PTPRO: variants seen among roughly 807,000 people sequenced by gnomAD.
PTPRO encodes protein tyrosine phosphatase receptor type O.
A neutral mutation model predicts 145.2 loss-of-function variants in PTPRO; 62 were observed. That is an observed-to-expected ratio of 0.43 (90% CI 0.35 to 0.53). PTPRO has a LOEUF of 0.53. PTPRO is among the 20% of genes least tolerant of loss of function. PTPRO has a pLI of 0.01. For missense variants in PTPRO, 1,345 were observed against 1,482.7 expected (o/e 0.91, Z 1.53); for synonymous variants, 565 against 514.7 (o/e 1.10, Z -1.32).
intron 1 of PTPRO, among the ~76,000 whole-genome samples, chr12:15,444,233 A>C (rs930510635): frequency 6.6e-6 from 1 of 152,144 alleles, no homozygotes; most frequent in Non-Finnish European, 1.5e-5. Flanking sequence ...TAACACAGGA[A>C]CAGAAAACCA....
intron 1 of PTPRO, among the ~76,000 whole-genome samples, chr12:15,470,392 A>C (rs1032990449): frequency 1.3e-5 from 2 of 152,328 alleles, no homozygotes; most frequent in South Asian, 4.1e-4. Flanking sequence ...GAATGTTCTG[A>C]GGATCAAAGG....
At chr12:15,469,941 C>G (rs949807901) in intron 1 of PTPRO, among the ~76,000 whole-genome samples, 1 of 152,018 alleles carries the variant, frequency 6.6e-6, no homozygotes, top group African/African-American at 2.4e-5. Context: ...GTCCCTACCC[C>G]CTAAAAAACT....
chr12:15,523,881 T>C (rs1591684323), intron 10 of PTPRO, among the ~76,000 whole-genome samples: 2 of 152,026 alleles, frequency 1.3e-5, no homozygotes, highest in Non-Finnish European at 2.9e-5. Context: ...CACTGCAGCC[T>C]GGATCTCCTG....
intron 18 of PTPRO, among the ~76,000 whole-genome samples, chr12:15,567,644 T>A (rs149497007): frequency 1.3e-5 from 2 of 152,248 alleles, no homozygotes; most frequent in East Asian, 3.9e-4. Flanking sequence ...AACTTTAAGG[T>A]CGATACACTG....
chr12:15,382,943 C>A (rs761197741), intron 1 of PTPRO, among the ~76,000 whole-genome samples: 1 of 152,188 alleles, frequency 6.6e-6, no homozygotes, highest in Non-Finnish European at 1.5e-5. Context: ...CATCACTGCA[C>A]ACACTTATCA....
rs763171198 is a variant in PTPRO at position 15,513,234 on chromosome 12, GAA to G, written c.1465-2262_1465-2261del. ...GAAAGAAAGAAAGAAAGAAAAGAAA[GAA>G]AGAGGGAGGGAGGGAGAGAGGGAGG... On this transcript the variant is annotated intron_variant, in intron 7 of 26. Coordinates refer to ENST00000281171, the MANE Select transcript of PTPRO (RefSeq NM_030667.3). Among the ~76,000 whole-genome samples, 5 of 122,750 alleles carry G rather than the reference GAA, an allele frequency of 4.1e-5. No individual in the cohort carries two copies. In the East Asian group the frequency reaches 8.3e-4, roughly 20 times the overall value. 80.5% of individuals were successfully genotyped at this position (122,750 alleles called of 152,430 possible). A position where few individuals can be genotyped will look rare whatever the true frequency, so the allele number is the denominator to read the frequency against.
intron 1 of PTPRO, among the ~76,000 whole-genome samples, chr12:15,443,553 A>C (rs954859059): frequency 2.0e-5 from 3 of 152,148 alleles, no homozygotes; most frequent in Non-Finnish European, 4.4e-5. Context: ...TCAACAGAGT[A>C]AACAGACAAC....
In PTPRO at chr12:15,589,456, GCT is replaced by G; in HGVS notation, c.3413_3414del (p.Ala1138GlyfsTer22). The G allele has an allele frequency of 6.2e-7, 1 of 1,614,098 alleles. No individual in the cohort carries two copies. Among genetic ancestry groups the G allele is most frequent in the Non-Finnish European group, 8.5e-7 (1 of 1,179,984 alleles). ...TGCCATCGGAACATTCTTTTGCAGT[GCT>G]GGCGTGGGACGGACAGGAACATTCA... ...SKGPMIIHCS[A>X]GVGRTGTFIA... On this transcript the variant is annotated frameshift_variant and splice_region_variant, in exon 25 of 27. Transcript: ENST00000281171. LOFTEE classifies it high-confidence loss of function.
chr12:15,347,623 G>A (rs1467686465), intron 1 of PTPRO, among the ~76,000 whole-genome samples: 1 of 152,144 alleles, frequency 6.6e-6, no homozygotes, highest in African/African-American at 2.4e-5. Flanking sequence ...CACTCAGATA[G>A]TTTTAGAATG....
chr12:15,523,735 A>G (rs1271196511), intron 10 of PTPRO, among the ~76,000 whole-genome samples: 1 of 151,802 alleles, frequency 6.6e-6, no homozygotes, highest in Non-Finnish European at 1.5e-5. Context: ...AGATTGCGCC[A>G]CTGCACTCCA....
At chr12:15,336,515 T>C (rs1037338395) in intron 1 of PTPRO, among the ~76,000 whole-genome samples, 8 of 152,186 alleles carry the variant, frequency 5.3e-5, no homozygotes, top group Non-Finnish European at 1.2e-4. Flanking sequence ...TACTGAAGAA[T>C]TACACACATA....
rs1944327095 is a variant in PTPRO, at chr12:15,581,868, G to A, written c.3255+67G>A. ...CACCTGCTGAGACCAGTTTGGTCGGGGAGACCCTAACCCAGCGGCGCTAGA... is the reference window on the plus strand; with the variant it reads ...CACCTGCTGAGACCAGTTTGGTCGGAGAGACCCTAACCCAGCGGCGCTAGA... On this transcript the variant is annotated intron_variant, in intron 23 of 26. Coordinates refer to ENST00000281171, the MANE Select transcript of PTPRO (RefSeq NM_030667.3). The A allele has an allele frequency of 6.9e-6, 11 of 1,605,280 alleles. No homozygotes were observed. The Admixed American group carries it at 1.0e-4, about 15-fold the overall frequency.
intron 1 of PTPRO, among the ~76,000 whole-genome samples, chr12:15,434,955 G>A (rs916380294): frequency 6.6e-6 from 1 of 152,176 alleles, no homozygotes; most frequent in African/African-American, 2.4e-5. Flanking sequence ...AGGTGCTTTT[G>A]CAAAGAAGCA....
At chr12:15,487,803 A>G (rs921269415) in intron 2 of PTPRO, among the ~76,000 whole-genome samples, 9 of 152,158 alleles carry the variant, frequency 5.9e-5, no homozygotes, top group African/African-American at 2.2e-4. Context: ...ACTAATTTTT[A>G]ATTTTAATTA....
chr12:15,411,910 G>T (rs1330013038), intron 1 of PTPRO, among the ~76,000 whole-genome samples: 6 of 152,164 alleles, frequency 3.9e-5, no homozygotes, highest in Non-Finnish European at 7.3e-5. Context: ...GCATCAGACA[G>T]TCTGAAAACA....
At chr12:15,473,659 C>T (rs1385731878) in intron 1 of PTPRO, among the ~76,000 whole-genome samples, 1 of 149,182 alleles carries the variant, frequency 6.7e-6, no homozygotes, top group East Asian at 2.0e-4. Flanking sequence ...CCCAGCTACT[C>T]GGGAGGCTGA....
intron 19 of PTPRO, among the ~76,000 whole-genome samples, chr12:15,577,251 G>T (rs7304082): frequency 6.6e-6 from 1 of 152,218 alleles, no homozygotes; most frequent in Non-Finnish European, 1.5e-5. Flanking sequence ...AAGAGATGAG[G>T]AATCAAAGGA....
At chr12:15,401,484 G>A (rs1334646536) in intron 1 of PTPRO, among the ~76,000 whole-genome samples, 1 of 152,182 alleles carries the variant, frequency 6.6e-6, no homozygotes, top group African/African-American at 2.4e-5. Flanking sequence ...CCTGTTCATA[G>A]GATGTGCATA....
At chr12:15,365,679 A>G (rs894580995) in intron 1 of PTPRO, among the ~76,000 whole-genome samples, 12 of 152,162 alleles carry the variant, frequency 7.9e-5, no homozygotes, top group Admixed American at 7.2e-4. Flanking sequence ...GACATAATGT[A>G]TTTAAAAACT....
Sources: gnomAD v4.1 joint callset for allele counts (sites outside exome capture counted in the v4.1 genomes callset) on GRCh38, gnomAD v4.1.1 for gene constraint, MANE v1.5 for transcripts, NCBI Gene and HGNC (gene_info 2026-07-23, HGNC 2026-07-21) for gene names.